Variants in UROC1 observed in about 807,000 individuals in gnomAD.
The protein encoded by UROC1 is urocanate hydratase 1, also known as urocanate hydratase.
A neutral mutation model predicts 89.5 loss-of-function variants in UROC1; 79 were observed. The observed-to-expected ratio is 0.88, with a 90% CI of 0.74 to 1.06. The LOEUF (loss-of-function observed/expected upper bound fraction) is 1.06, where lower values mean the gene tolerates loss of function less well. Among genes scored for constraint, UROC1 ranks in the 50% least tolerant of loss-of-function variants. The pLI is 0.00. For synonymous variants in UROC1, 361 were observed against 354.8 expected, an observed-to-expected ratio of 1.02 and a Z score of -0.20; for missense variants, 885 against 907.8, an observed-to-expected ratio of 0.97 and a Z score of 0.32.
chr3:126,487,629 C>T (rs1286458883), intron 18 of UROC1, among the ~76,000 whole-genome samples: 1 of 152,220 alleles, frequency 6.6e-6, no homozygotes, highest in Non-Finnish European at 1.5e-5. Flanking sequence ...CCTTGCTGCT[C>T]CCCGCAGCCC....
chr3:126,498,466 A>G (rs12488619), intron 13 of UROC1, among the ~76,000 whole-genome samples: 132,271 of 152,112 alleles, frequency 0.87, 57,886 homozygotes, highest in East Asian at 0.94. Flanking sequence ...AAGAAAATCC[A>G]TCACCTAAAA....
intron 3 of UROC1, among the ~76,000 whole-genome samples, chr3:126,509,238 TAAAAA>T (rs531755748): frequency 2.4e-5 from 3 of 122,570 alleles, no homozygotes; most frequent in African/African-American, 9.1e-5. Context: ...CCTGTCTCTC[TAAAAA>T]AAAAAAAAAA....
intron 1 of UROC1, among the ~76,000 whole-genome samples, chr3:126,512,341 G>A (rs986946182): frequency 1.1e-4 from 16 of 152,354 alleles, no homozygotes; most frequent in African/African-American, 3.4e-4. Context: ...TGATGACCAC[G>A]GAACAATGGG....
chr3:126,498,281 G>T (rs1935831373), intron 13 of UROC1, 109 bp from the exon 14 acceptor site: 1 of 1,584,626 alleles, frequency 6.3e-7, no homozygotes. Context: ...GTCAGGTGTG[G>T]AACCCCCTAA....
chr3:126,505,924 A>G (rs747727178), intron 7 of UROC1, 21 bp downstream of exon 7: 7 of 1,395,804 alleles, frequency 5.0e-6, no homozygotes, highest in African/African-American at 1.6e-5. Flanking sequence ...GCCCACAGCC[A>G]GGCGTGGCCC....
At chr3:126,506,157 C>T in intron 6 of UROC1, 146 bp from the exon 7 acceptor site, 1 of 875,288 alleles carries the variant, frequency 1.1e-6, no homozygotes, top group East Asian at 2.6e-5. Context: ...ATAGAGAGAG[C>T]ACAGAGAACA....
intron 15 of UROC1, among the ~76,000 whole-genome samples, chr3:126,492,724 A>G (rs1417402652): frequency 1.3e-5 from 2 of 152,138 alleles, no homozygotes; most frequent in Non-Finnish European, 2.9e-5. Context: ...CCCACTAGAC[A>G]GCCATACCGG....
intron 2 of UROC1, among the ~76,000 whole-genome samples, chr3:126,510,412 A>G (rs1936166290): frequency 6.6e-6 from 1 of 152,242 alleles, no homozygotes; most frequent in Non-Finnish European, 1.5e-5. Flanking sequence ...CTGGCTGCTC[A>G]GGACAGATGG....
At chr3:126,488,357 G>C (rs1935563803) in intron 17 of UROC1, 78 bp from the exon 18 acceptor site, 1 of 1,546,806 alleles carries the variant, frequency 6.5e-7, no homozygotes, top group Middle Eastern at 1.9e-4. Context: ...AGCCTCGCTG[G>C]CTAAGCCAGC....
rs1560126267 is a variant in UROC1 at position 126,507,782 on chromosome 3, GGGA to G, written c.559_561del (p.Ser187del). ...GCAAAGAGCTTCTCATACTCCGTCC[GGGA>G]GGAGTAGTTGGGAATGACCTGGAGA... On this transcript the variant is annotated inframe_deletion, in exon 6 of 20. Coordinates refer to ENST00000290868, the MANE Select transcript of UROC1 (RefSeq NM_144639.3). 1.2e-6 allele frequency: 2 copies of G among 1,614,148 alleles called. No homozygotes were observed. Among genetic ancestry groups the G allele is most frequent in the Non-Finnish European group, 1.7e-6 (2 of 1,180,034 alleles).
chr3:126,484,072 A>G (rs1032356411), intron 18 of UROC1, among the ~76,000 whole-genome samples: 3 of 151,906 alleles, frequency 2.0e-5, no homozygotes, highest in African/African-American at 7.3e-5. Context: ...GCTTGCCTCA[A>G]GTGTATGGGG....
At chr3:126,514,550 T>C (rs1217208902) in intron 1 of UROC1, among the ~76,000 whole-genome samples, 1 of 152,098 alleles carries the variant, frequency 6.6e-6, no homozygotes, top group African/African-American at 2.4e-5. Context: ...GACACGCACG[T>C]TAGTTCATCC....
intron 16 of UROC1, among the ~76,000 whole-genome samples, chr3:126,490,461 G>A (rs1251491260): frequency 6.6e-6 from 1 of 152,132 alleles, no homozygotes; most frequent in African/African-American, 2.4e-5. Flanking sequence ...CCAAGGCAGG[G>A]GATCACTTGA....
At position 126,501,262 on chromosome 3, in the gene UROC1, C is replaced by T. The variant is rs769289751; in HGVS notation, c.921G>A (p.Lys307=). ...IQRLREARKK[K]EVLSLGYHGN... is the part of the protein sequence containing the mutation. The stretch of plus-strand genomic sequence containing the variant: ...CATGGTAACCAAGGCTGAGCACCTC[C>T]TTTTTTTTCCTTGCTTCCCTGGAAG... Residue 307 remains lysine (K), a synonymous_variant, in exon 10 of 20, where the codon AAG becomes AAA. Coordinates refer to ENST00000290868, the MANE Select transcript of UROC1 (RefSeq NM_144639.3). The T allele has an allele frequency of 6.2e-7, 1 of 1,613,788 alleles. No homozygotes were observed. Among genetic ancestry groups the T allele is most frequent in the South Asian group, 1.1e-5 (1 of 91,060 alleles).
intron 6 of UROC1, among the ~76,000 whole-genome samples, chr3:126,506,759 T>C (rs973695354): frequency 6.6e-6 from 1 of 152,188 alleles, no homozygotes; most frequent in African/African-American, 2.4e-5. Flanking sequence ...CTTTTCAGTG[T>C]AGCTCCATTT....
At chr3:126,499,949 G>T in intron 12 of UROC1, 108 bp downstream of exon 12, 1 of 1,121,020 alleles carries the variant, frequency 8.9e-7, no homozygotes, top group Non-Finnish European at 1.3e-6. Context: ...AGGATTTGCT[G>T]GGCCACCCAT....
intron 9 of UROC1, 103 bp downstream of exon 9, chr3:126,503,892 C>A (rs1935993938): frequency 8.0e-7 from 1 of 1,253,834 alleles, no homozygotes; most frequent in Non-Finnish European, 1.2e-6. Flanking sequence ...AGCTGTCAGG[C>A]ATTAAACAGG....
chr3:126,514,744 T>C (rs1171502483), intron 1 of UROC1, among the ~76,000 whole-genome samples: 2 of 151,818 alleles, frequency 1.3e-5, no homozygotes, highest in Non-Finnish European at 2.9e-5. Flanking sequence ...TAGTTTTCAG[T>C]AAAGAAAAAG....
chr3:126,497,087 G>A (rs556740070), intron 14 of UROC1, among the ~76,000 whole-genome samples: 1 of 152,184 alleles, frequency 6.6e-6, no homozygotes. Flanking sequence ...CTCCTGCCTG[G>A]GCCCCTGCCC....
Sources: allele counts gnomAD v4.1 joint callset (sites outside exome capture counted in the v4.1 genomes callset), GRCh38; gene constraint gnomAD v4.1.1; transcripts MANE v1.5; gene names NCBI Gene and HGNC (gene_info 2026-07-23, HGNC 2026-07-21).